Variants in KIF6 observed in about 807,000 individuals in gnomAD.
KIF6 encodes the protein kinesin family member 6.
KIF6 carries 106 observed loss-of-function variants against 112.7 expected under a neutral mutation model. The ratio of observed to expected loss-of-function variants is 0.94; its 90% CI spans 0.80 to 1.11. The LOEUF (loss-of-function observed/expected upper bound fraction) is 1.11. KIF6 is among the 50% of genes least tolerant of loss of function. KIF6 has a pLI of 0.00. For synonymous variants in KIF6, 339 were observed against 339.9 expected (o/e 1.00, Z 0.03); for missense variants, 929 against 964.0 (o/e 0.96, Z 0.48).
At chr6:39,570,880 C>T (rs942061738) in intron 10 of KIF6, among the ~76,000 whole-genome samples, 4 of 152,152 alleles carry the variant, frequency 2.6e-5, no homozygotes, top group African/African-American at 9.7e-5. Flanking sequence ...TATAAATTAC[C>T]CAGTCTCAGC....
chr6:39,424,942 T>A (rs4142117), intron 14 of KIF6, among the ~76,000 whole-genome samples: 37,379 of 152,098 alleles, frequency 0.25, 7,493 homozygotes, highest in African/African-American at 0.55. Context: ...GAATTGAGGG[T>A]GAATCTGACG....
At chr6:39,429,683 G>A (rs1283182898) in intron 14 of KIF6, among the ~76,000 whole-genome samples, 3 of 152,192 alleles carry the variant, frequency 2.0e-5, no homozygotes, top group African/African-American at 4.8e-5. Context: ...GCCAAGGTGG[G>A]CGGAACACGA....
At chr6:39,526,298 T>C (rs2150534197) in intron 13 of KIF6, among the ~76,000 whole-genome samples, 1 of 152,358 alleles carries the variant, frequency 6.6e-6, no homozygotes, top group East Asian at 1.9e-4. Flanking sequence ...AGAATCTGTG[T>C]TTTTTGTTCT....
chr6:39,562,627 A>T lies in KIF6; in HGVS notation c.1181+15429T>A, dbSNP rs1021602386. Among the ~76,000 whole-genome samples, 3 of 152,348 alleles carry T rather than the reference A, an allele frequency of 2.0e-5. No homozygotes were observed. In the South Asian group the frequency reaches 6.2e-4, roughly 32 times the overall value. On this transcript the variant is annotated intron_variant, in intron 10 of 22. Coordinates refer to ENST00000287152, the MANE Select transcript of KIF6 (RefSeq NM_145027.6). ...AAAGAGCAGATCTTGAGACAGACCA[A>T]ACAGGATTCAAATTCTGACTATGCA...
At chr6:39,495,855 GC>G (rs1367537476) in intron 13 of KIF6, among the ~76,000 whole-genome samples, 5 of 152,098 alleles carry the variant, frequency 3.3e-5, no homozygotes, top group Non-Finnish European at 7.4e-5. Flanking sequence ...GGAGGAGGGA[GC>G]CCTTTGTCAT....
chr6:39,562,903 T>C lies in KIF6; in HGVS notation c.1181+15153A>G, dbSNP rs528379779. Among the ~76,000 whole-genome samples, 17 of 152,312 alleles carry C rather than the reference T, an allele frequency of 1.1e-4. No homozygotes were observed. The South Asian group carries it at 2.1e-3, about 19-fold the overall frequency. ...TTTTAAATGTCTTTATTTTGCCTGA[T>C]CATAAAGTAATGCATGTTCATTGCA... On this transcript the variant is annotated intron_variant, in intron 10 of 22. Transcript: ENST00000287152.
intron 13 of KIF6, among the ~76,000 whole-genome samples, chr6:39,519,404 A>G (rs1013853569): frequency 1.3e-5 from 2 of 152,228 alleles, no homozygotes; most frequent in African/African-American, 4.8e-5. Flanking sequence ...AAATAGGTGG[A>G]TACAGCAGCA....
intron 10 of KIF6, among the ~76,000 whole-genome samples, chr6:39,557,805 A>T (rs1779789859): frequency 6.6e-6 from 1 of 151,992 alleles, no homozygotes. Context: ...GAAAAACACA[A>T]GTTAAAAAAC....
intron 13 of KIF6, among the ~76,000 whole-genome samples, chr6:39,493,423 T>A (rs1775592221): frequency 6.6e-6 from 1 of 152,208 alleles, no homozygotes; most frequent in Admixed American, 6.5e-5. Flanking sequence ...TCAACAAACT[T>A]TTCTGAGAGC....
Position 39,578,055 on chromosome 6 carries a change from C to T in KIF6, c.1181+1G>A, listed in dbSNP as rs141333494. The T allele has an allele frequency of 2.5e-6, 4 of 1,605,654 alleles. No homozygotes were observed. In the South Asian group the frequency reaches 4.4e-5, roughly 18 times the overall value. On this transcript the variant is annotated splice_donor_variant, in intron 10 of 22. Transcript: ENST00000287152. LOFTEE classifies it high-confidence loss of function. ...AAAGAAAAAAAAGTCTGCAGACTTA[C>T]TGAAGGAGCTCTGCTTCTGTGAGTG...
rs115654268 is a variant in KIF6 at position 39,539,739 on chromosome 6, G to T, written c.1645+264C>A. ...ATATCAGCAATATCTGATCTTATTT[G>T]TTCCCTTTCTCTAAAATTAACTTTT... On this transcript the variant is annotated intron_variant, in intron 13 of 22. Coordinates refer to ENST00000287152, the MANE Select transcript of KIF6 (RefSeq NM_145027.6). Among the ~76,000 whole-genome samples the T allele has an allele frequency of 6.3e-3, 964 of 152,202 alleles. 2 individuals are homozygous for T. Among genetic ancestry groups the T allele is most frequent in the Non-Finnish European group, 9.9e-3 (674 of 68,002 alleles).
chr6:39,613,343 C>G (rs376790605), intron 5 of KIF6, 25 bp from the exon 6 acceptor site: 3 of 1,548,624 alleles, frequency 1.9e-6, no homozygotes, highest in South Asian at 1.2e-5. Context: ...AGCAAGAAAA[C>G]AAGGTACTGC....
At chr6:39,539,886 T>C in intron 13 of KIF6, 117 bp downstream of exon 13, 2 of 756,648 alleles carry the variant, frequency 2.6e-6, no homozygotes, top group Non-Finnish European at 4.3e-6. Context: ...TTGATAGTTA[T>C]AAAAAATAAT....
intron 3 of KIF6, among the ~76,000 whole-genome samples, chr6:39,652,603 T>C (rs1446599205): frequency 2.0e-5 from 3 of 152,074 alleles, no homozygotes; most frequent in Non-Finnish European, 4.4e-5. Context: ...TCACCATTTA[T>C]ATATTCAAAT....
At chr6:39,442,954 A>G (rs1772016013) in intron 13 of KIF6, among the ~76,000 whole-genome samples, 1 of 151,862 alleles carries the variant, frequency 6.6e-6, no homozygotes. Flanking sequence ...TCTACTAAAA[A>G]TACAAAAAAA....
chr6:39,562,785 A>T (rs6913556), intron 10 of KIF6, among the ~76,000 whole-genome samples: 36,942 of 152,206 alleles, frequency 0.24, 5,437 homozygotes, highest in African/African-American at 0.39. Flanking sequence ...GCATTTATTT[A>T]TACCATAATT....
At chr6:39,613,061 T>C (rs1783301824) in intron 6 of KIF6, 128 bp downstream of exon 6, 1 of 659,962 alleles carries the variant, frequency 1.5e-6, no homozygotes, top group Non-Finnish European at 2.2e-6. Flanking sequence ...ATGTGAGGTT[T>C]GGACGAGATT....
At chr6:39,490,333 C>T (rs114186909) in intron 13 of KIF6, among the ~76,000 whole-genome samples, 3,981 of 152,274 alleles carry the variant, frequency 0.026, 178 homozygotes, top group African/African-American at 0.09. Flanking sequence ...AGGGAAAATA[C>T]GGACTTTCAT....
Position 39,576,940 on chromosome 6 carries a change from T to C in KIF6, c.1181+1116A>G, listed in dbSNP as rs181021289. On this transcript the variant is annotated intron_variant, in intron 10 of 22. Transcript: ENST00000287152. The stretch of plus-strand genomic sequence containing the variant: ...AGACATTTTCAAAGACAATAATTGG[T>C]AATTCCCTTCTTTGAGGGGAAAGGA... Among the ~76,000 whole-genome samples the C allele has an allele frequency of 1.5e-3, 225 of 152,376 alleles. 1 individual carries two copies. Among genetic ancestry groups the C allele is most frequent in the Non-Finnish European group, 2.8e-3 (188 of 68,046 alleles).
Sources: allele counts gnomAD v4.1 joint callset (sites outside exome capture counted in the v4.1 genomes callset), GRCh38; gene constraint gnomAD v4.1.1; transcripts MANE v1.5; gene names NCBI Gene and HGNC (gene_info 2026-07-23, HGNC 2026-07-21).